KHDRBS2: variants seen among roughly 807,000 people sequenced by gnomAD.
The protein encoded by KHDRBS2 is KH RNA binding domain containing, signal transduction associated 2.
A neutral mutation model predicts 44.3 loss-of-function variants in KHDRBS2; 26 were observed. That is an observed-to-expected ratio of 0.59 (90% CI 0.43 to 0.81). The LOEUF (loss-of-function observed/expected upper bound fraction) is 0.81, where lower values mean the gene tolerates loss of function less well. Ranked by LOEUF, KHDRBS2 falls within the 40% of genes least tolerant of loss-of-function variation. The pLI, the probability that KHDRBS2 is intolerant of heterozygous loss-of-function variation, is 0.00. For missense variants in KHDRBS2, 476 were observed against 433.1 expected, an observed-to-expected ratio of 1.10 and a Z score of -0.88; for synonymous variants, 194 against 151.1, an observed-to-expected ratio of 1.28 and a Z score of -2.08.
At chr6:62,029,913 A>C (rs892247852) in intron 3 of KHDRBS2, among the ~76,000 whole-genome samples, 5 of 151,974 alleles carry the variant, frequency 3.3e-5, no homozygotes, top group African/African-American at 9.7e-5. Context: ...TCCTTTACTA[A>C]GAAATAAAAT....
chr6:61,576,439 A>G, the KHDRBS2 span, among the ~76,000 whole-genome samples: 26,034 of 152,010 alleles, frequency 0.17, 2,453 homozygotes, highest in East Asian at 0.29. Flanking sequence ...AACTTTACTG[A>G]ATTCATTAAT....
chr6:61,913,432 T>C (rs1806405794), intron 4 of KHDRBS2, among the ~76,000 whole-genome samples: 4 of 151,956 alleles, frequency 2.6e-5, no homozygotes, highest in African/African-American at 9.7e-5. Flanking sequence ...CAGGCATGCA[T>C]TCCAAAGGGC....
chr6:62,061,743 C>T (rs1216689567), intron 2 of KHDRBS2, among the ~76,000 whole-genome samples: 1 of 149,708 alleles, frequency 6.7e-6, no homozygotes, highest in African/African-American at 2.5e-5. Context: ...TGGGGAAGTT[C>T]TCCTGGATAA....
the KHDRBS2 span, among the ~76,000 whole-genome samples, chr6:61,583,849 T>C: frequency 6.6e-6 from 1 of 151,616 alleles, no homozygotes; most frequent in South Asian, 2.1e-4. Context: ...ATAAACACAG[T>C]GTATCTCTCA....
the KHDRBS2 span, among the ~76,000 whole-genome samples, chr6:61,669,821 A>T: frequency 6.6e-6 from 1 of 151,102 alleles, no homozygotes; most frequent in Non-Finnish European, 1.5e-5. Flanking sequence ...ACTATGGATT[A>T]GTTCCATAGT....
intron 7 of KHDRBS2, among the ~76,000 whole-genome samples, chr6:61,701,076 T>C (rs1768577086): frequency 6.6e-6 from 1 of 151,828 alleles, no homozygotes; most frequent in Admixed American, 6.6e-5. Context: ...AAAAATACTT[T>C]AGGGTGAAAA....
chr6:61,659,415 A>G, the KHDRBS2 span, among the ~76,000 whole-genome samples: 2 of 151,754 alleles, frequency 1.3e-5, no homozygotes, highest in East Asian at 1.9e-4. Context: ...TTTGTAACCT[A>G]TGAACCAATT....
At chr6:62,241,829 A>G (rs1834731894) in intron 1 of KHDRBS2, among the ~76,000 whole-genome samples, 1 of 152,148 alleles carries the variant, frequency 6.6e-6, no homozygotes, top group African/African-American at 2.4e-5. Context: ...AGAAGGGCAA[A>G]TAGGTATTAT....
intron 2 of KHDRBS2, among the ~76,000 whole-genome samples, chr6:62,160,220 A>G (rs1562974179): frequency 6.6e-6 from 1 of 152,172 alleles, no homozygotes; most frequent in Non-Finnish European, 1.5e-5. Flanking sequence ...AAACAAGCAA[A>G]TTACAAACTA....
intron 6 of KHDRBS2, among the ~76,000 whole-genome samples, chr6:61,880,951 G>C (rs1374338491): frequency 6.6e-6 from 1 of 151,872 alleles, no homozygotes; most frequent in Non-Finnish European, 1.5e-5. Flanking sequence ...GCTTCCTTAG[G>C]AGTGTCATTA....
intron 1 of KHDRBS2, among the ~76,000 whole-genome samples, chr6:62,183,440 A>G (rs1442953633): frequency 1.3e-5 from 2 of 151,704 alleles, no homozygotes; most frequent in Non-Finnish European, 3.0e-5. Context: ...TACATCAAGT[A>G]CCAATTACAT....
intron 6 of KHDRBS2, among the ~76,000 whole-genome samples, chr6:61,777,501 A>G (rs974355172): frequency 3.9e-5 from 6 of 152,168 alleles, no homozygotes; most frequent in Non-Finnish European, 7.3e-5. Flanking sequence ...GCAAATAAAC[A>G]TGAAGACAGA....
chr6:61,867,343 G>A (rs1214016882), intron 6 of KHDRBS2, among the ~76,000 whole-genome samples: 3 of 152,142 alleles, frequency 2.0e-5, no homozygotes, highest in Non-Finnish European at 4.4e-5. Context: ...GCATGAAAAA[G>A]CCATGCCCCT....
At chr6:62,039,058 G>A (rs1339586382) in intron 3 of KHDRBS2, among the ~76,000 whole-genome samples, 1 of 151,762 alleles carries the variant, frequency 6.6e-6, no homozygotes, top group Non-Finnish European at 1.5e-5. Context: ...GAATTTGTAG[G>A]CAAAGCAAAG....
the KHDRBS2 span, among the ~76,000 whole-genome samples, chr6:61,549,793 T>G: frequency 1.3e-5 from 2 of 152,186 alleles, no homozygotes; most frequent in Admixed American, 6.5e-5. Context: ...TAGTTTTAGT[T>G]TCAACCTAGC....
intron 6 of KHDRBS2, among the ~76,000 whole-genome samples, chr6:61,748,686 T>G (rs1472233630): frequency 6.6e-6 from 1 of 152,184 alleles, no homozygotes; most frequent in Non-Finnish European, 1.5e-5. Flanking sequence ...TTCAAATTGC[T>G]GTATTATTCT....
chr6:61,702,113 A>G (rs1294849583), intron 7 of KHDRBS2, among the ~76,000 whole-genome samples: 1 of 151,870 alleles, frequency 6.6e-6, no homozygotes, highest in Admixed American at 6.6e-5. Flanking sequence ...TGGGCTATAG[A>G]AGACTTCTCG....
At chr6:61,875,635 A>T in intron 6 of KHDRBS2, among the ~76,000 whole-genome samples, 1 of 152,150 alleles carries the variant, frequency 6.6e-6, no homozygotes, top group East Asian at 1.9e-4. Context: ...AAAGTATTAT[A>T]TCTATCCTTC....
Position 62,097,225 on chromosome 6 carries a change from G to C in KHDRBS2, c.220-49231C>G, listed in dbSNP as rs931274118. Among the ~76,000 whole-genome samples, 9 of 151,884 alleles carry C rather than the reference G, an allele frequency of 5.9e-5. No homozygotes were observed. In the East Asian group the frequency reaches 1.6e-3, roughly 26 times the overall value. On this transcript the variant is annotated intron_variant, in intron 2 of 8. Transcript: ENST00000281156. The stretch of plus-strand genomic sequence containing the variant: ...CTGAAGCTGTTGAGTAGAATGTTCT[G>C]TATAGGTCTGTTAGGTTCACTTGGT...
Sources: allele counts gnomAD v4.1 joint callset (sites outside exome capture counted in the v4.1 genomes callset), GRCh38; gene constraint gnomAD v4.1.1; transcripts MANE v1.5; gene names NCBI Gene and HGNC (gene_info 2026-07-23, HGNC 2026-07-21).